Variants in ATP8A1 observed in about 807,000 individuals in gnomAD.
ATP8A1 encodes phospholipid-transporting ATPase IA.
Under a neutral mutation model 177.7 loss-of-function variants are expected in ATP8A1, and 90 were observed. The ratio of observed to expected loss-of-function variants is 0.51; its 90% CI spans 0.43 to 0.60. The LOEUF is 0.60. Among genes scored for constraint, ATP8A1 ranks in the 20% least tolerant of loss-of-function variants. The probability of loss-of-function intolerance (pLI) is 0.00; values close to 1 mark genes in which losing one functional copy is unlikely to be tolerated. For synonymous variants in ATP8A1, 493 were observed against 485.9 expected (o/e 1.01, Z -0.19); for missense variants, 1,072 against 1,392.8 (o/e 0.77, Z 3.67).
intron 25 of ATP8A1, among the ~76,000 whole-genome samples, chr4:42,468,789 T>C (rs1720091114): frequency 6.6e-6 from 1 of 152,140 alleles, no homozygotes; most frequent in Non-Finnish European, 1.5e-5. Context: ...AAATACTACC[T>C]GTTCCCTCAA....
At chr4:42,441,038 A>C (rs1434814540) in intron 33 of ATP8A1, among the ~76,000 whole-genome samples, 1 of 152,134 alleles carries the variant, frequency 6.6e-6, no homozygotes, top group Non-Finnish European at 1.5e-5. Flanking sequence ...GGTGACAGAA[A>C]TTACCTACAC....
intron 1 of ATP8A1, among the ~76,000 whole-genome samples, chr4:42,634,073 G>C (rs1362698518): frequency 6.6e-6 from 1 of 152,210 alleles, no homozygotes; most frequent in Non-Finnish European, 1.5e-5. Flanking sequence ...TTCACTGACA[G>C]GTTTAAGTAG....
chr4:42,648,798 A>C (rs1740806693), intron 1 of ATP8A1, among the ~76,000 whole-genome samples: 1 of 152,208 alleles, frequency 6.6e-6, no homozygotes, highest in African/African-American at 2.4e-5. Flanking sequence ...TAAACAATTC[A>C]GAAAAAAATA....
At chr4:42,418,595 CTTTGGTAGAAGTCA>C (rs1336763307) in intron 35 of ATP8A1, among the ~76,000 whole-genome samples, 1 of 152,130 alleles carries the variant, frequency 6.6e-6, no homozygotes, top group African/African-American at 2.4e-5. Flanking sequence ...CTCACATGGA[CTTTGGTAGAAGTCA>C]TGAGGCAGCA....
intron 30 of ATP8A1, 72 bp downstream of exon 30, chr4:42,451,909 T>C (rs1717967559): frequency 2.7e-6 from 3 of 1,117,250 alleles, no homozygotes; most frequent in African/African-American, 3.1e-5. Flanking sequence ...CTTTTAAACA[T>C]ACATTGACAA....
intron 22 of ATP8A1, among the ~76,000 whole-genome samples, chr4:42,509,858 A>AG (rs1480260913): frequency 6.6e-6 from 1 of 151,240 alleles, no homozygotes; most frequent in African/African-American, 2.5e-5. Flanking sequence ...TCAAAAAAAA[A>AG]AAAAAAAAAA....
chr4:42,594,541 TA>T lies in ATP8A1; in HGVS notation c.451-3658del, dbSNP rs527736165. Among the ~76,000 whole-genome samples, 180 of 151,884 alleles carry T rather than the reference TA, an allele frequency of 1.2e-3. No individual in the cohort carries two copies. In the Middle Eastern group the frequency reaches 0.024, roughly 20 times the overall value. On this transcript the variant is annotated intron_variant, in intron 6 of 36. Coordinates refer to ENST00000381668, the MANE Select transcript of ATP8A1 (RefSeq NM_006095.2). ...TGAGACCAGGGTTGGAGGAATCCTT[TA>T]AAAAAAATGAACATTGTATATTGGA...
chr4:42,459,031 T>C (rs913819255), intron 27 of ATP8A1, among the ~76,000 whole-genome samples: 10 of 152,252 alleles, frequency 6.6e-5, no homozygotes, highest in African/African-American at 1.7e-4. Context: ...GAACTTGTTT[T>C]AGCTGGCAAA....
chr4:42,499,442 CAGA>C (rs979051702), intron 24 of ATP8A1, among the ~76,000 whole-genome samples: 20 of 152,030 alleles, frequency 1.3e-4, no homozygotes, highest in African/African-American at 4.1e-4. Flanking sequence ...AAAGAGATGC[CAGA>C]AGGAGAGATC....
At chr4:42,437,597 C>T (rs1397383976) in intron 33 of ATP8A1, among the ~76,000 whole-genome samples, 2 of 152,164 alleles carry the variant, frequency 1.3e-5, no homozygotes, top group Non-Finnish European at 2.9e-5. Context: ...CCCCCACTGC[C>T]CCTAACCCCC....
rs1017564096 is a variant in ATP8A1, at chr4:42,408,515, A to G, written c.*4401T>C. 1 of 152,226 alleles carries G rather than the reference A, an allele frequency of 6.6e-6. No homozygotes were observed. Among genetic ancestry groups the G allele is most frequent in the African/African-American group, 2.4e-5 (1 of 41,470 alleles). 9.4% of individuals were successfully genotyped at this position (152,226 alleles called of 1,614,324 possible). On this transcript the variant is annotated 3_prime_UTR_variant, in exon 37 of 37. Coordinates refer to ENST00000381668, the MANE Select transcript of ATP8A1 (RefSeq NM_006095.2). Reference sequence around the variant, plus strand: ...AGAAATAATATTACTCAATTTTAATAACTATAAAACACAGTGCATCAAACA... The same window carrying G: ...AGAAATAATATTACTCAATTTTAATGACTATAAAACACAGTGCATCAAACA...
chr4:42,586,237 G>C, intron 9 of ATP8A1, 112 bp downstream of exon 9: 1 of 1,257,534 alleles, frequency 8.0e-7, no homozygotes, highest in South Asian at 1.6e-5. Context: ...AAAGGGTTTT[G>C]AGGACTCAAA....
At chr4:42,446,307 C>A (rs575029831) in intron 31 of ATP8A1, among the ~76,000 whole-genome samples, 7 of 152,040 alleles carry the variant, frequency 4.6e-5, no homozygotes, top group African/African-American at 1.4e-4. Context: ...TGGGTTGATG[C>A]CAAGAGAAAG....
At chr4:42,476,851 T>G (rs1257888240) in intron 25 of ATP8A1, among the ~76,000 whole-genome samples, 3 of 152,188 alleles carry the variant, frequency 2.0e-5, no homozygotes, top group Admixed American at 6.5e-5. Flanking sequence ...AGAGTTCTCA[T>G]ATACAAGCAG....
intron 22 of ATP8A1, among the ~76,000 whole-genome samples, chr4:42,507,407 G>T (rs112194902): frequency 0.043 from 6,485 of 152,106 alleles, 181 homozygotes; most frequent in South Asian, 0.095. Flanking sequence ...AAATAAATTT[G>T]CATAGAAGGG....
chr4:42,527,303 G>A (rs1179312928), intron 20 of ATP8A1, among the ~76,000 whole-genome samples: 3 of 152,220 alleles, frequency 2.0e-5, no homozygotes, highest in African/African-American at 7.2e-5. Flanking sequence ...TACTGTTAAA[G>A]GGAGGACATT....
chr4:42,522,412 C>T (rs1287008776), intron 21 of ATP8A1, 113 bp from the exon 22 acceptor site: 4 of 1,216,312 alleles, frequency 3.3e-6, no homozygotes, highest in East Asian at 2.4e-5. Flanking sequence ...TCCATACAAA[C>T]AATATGATGA....
At chr4:42,437,421 T>C (rs1209343272) in intron 33 of ATP8A1, among the ~76,000 whole-genome samples, 2 of 151,966 alleles carry the variant, frequency 1.3e-5, no homozygotes, top group East Asian at 1.9e-4. Context: ...TGTGAAAAAA[T>C]ACAAGTCAGG....
At chr4:42,588,818 T>C (rs1263411225) in intron 7 of ATP8A1, among the ~76,000 whole-genome samples, 41 of 152,228 alleles carry the variant, frequency 2.7e-4, no homozygotes, top group Admixed American at 2.7e-3. Context: ...TTAGCTATGA[T>C]GAATAGGATC....
Sources: allele counts gnomAD v4.1 joint callset (sites outside exome capture counted in the v4.1 genomes callset), GRCh38; gene constraint gnomAD v4.1.1; transcripts MANE v1.5; gene names NCBI Gene and HGNC (gene_info 2026-07-23, HGNC 2026-07-21).